CLVS1: variants seen among roughly 807,000 people sequenced by gnomAD.
CLVS1 encodes the protein clavesin-1.
In CLVS1, 10 loss-of-function variants were observed where a neutral mutation model predicts 33.1. That is an observed-to-expected ratio of 0.30 (90% CI 0.19 to 0.51). The LOEUF (loss-of-function observed/expected upper bound fraction) is 0.51. Ranked by LOEUF, CLVS1 falls within the 20% of genes least tolerant of loss-of-function variation. CLVS1 has a pLI of 0.97. For synonymous variants in CLVS1, 163 were observed against 166.1 expected, an observed-to-expected ratio of 0.98 and a Z score of 0.14; for missense variants, 343 against 433.4, an observed-to-expected ratio of 0.79 and a Z score of 1.85.
intron 3 of CLVS1, among the ~76,000 whole-genome samples, chr8:61,438,405 C>T (rs1007411457): frequency 7.9e-5 from 12 of 152,198 alleles, no homozygotes; most frequent in African/African-American, 2.9e-4. Flanking sequence ...ATATGTACCA[C>T]ATTTTCTTTA....
At chr8:61,032,992 GGAAAGAAAGAAAGAAAGAAAGAAA>G in the CLVS1 span, among the ~76,000 whole-genome samples, 1 of 44,804 alleles carries the variant, frequency 2.2e-5, no homozygotes, top group Non-Finnish European at 4.3e-5. Flanking sequence ...AAGGAAGGAA[GGAAAGAAAGAAAGAAAGAAAGAAA>G]GAAAGAAAGA....
At position 61,481,023 on chromosome 8, in the gene CLVS1, G is replaced by T. The variant is rs143570268; in HGVS notation, c.978-18432G>T. Among the ~76,000 whole-genome samples the T allele has an allele frequency of 2.3e-3, 350 of 152,236 alleles. 3 individuals carry two copies. The highest frequency in any genetic ancestry group is 7.9e-3 in the African/African-American group (328 of 41,556). On this transcript the variant is annotated intron_variant, in intron 5 of 5. Transcript: ENST00000325897. ...TCAGTGTATGGCCAAGAGAAAGACT[G>T]AAGTGCCTGATTATGCATTCTTGGT...
At chr8:61,420,288 T>C (rs1467073196) in intron 3 of CLVS1, among the ~76,000 whole-genome samples, 1 of 152,158 alleles carries the variant, frequency 6.6e-6, no homozygotes, top group East Asian at 1.9e-4. Context: ...CAGTAAAGGT[T>C]GAAAAACAAG....
the CLVS1 span, among the ~76,000 whole-genome samples, chr8:60,997,684 A>G: frequency 2.0e-5 from 3 of 152,156 alleles, no homozygotes; most frequent in African/African-American, 7.2e-5. Context: ...TGTGGTGATG[A>G]ACGAAGCCAG....
chr8:61,384,208 C>T (rs1813994760), intron 3 of CLVS1, among the ~76,000 whole-genome samples: 1 of 152,158 alleles, frequency 6.6e-6, no homozygotes, highest in Non-Finnish European at 1.5e-5. Context: ...TTTTGGAATG[C>T]ACAGGCACCA....
intron 2 of CLVS1, among the ~76,000 whole-genome samples, chr8:61,235,350 C>T (rs904526388): frequency 2.6e-5 from 4 of 152,130 alleles, no homozygotes; most frequent in African/African-American, 9.7e-5. Context: ...CATGGAAATG[C>T]TTTAAAAAAA....
At chr8:61,175,834 C>T (rs1188918558) in intron 2 of CLVS1, among the ~76,000 whole-genome samples, 1 of 152,198 alleles carries the variant, frequency 6.6e-6, no homozygotes, top group Admixed American at 6.5e-5. Context: ...TGTAAGCTTT[C>T]CCATTTGTGA....
intron 3 of CLVS1, among the ~76,000 whole-genome samples, chr8:61,395,813 T>G (rs1049582820): frequency 3.3e-5 from 5 of 152,156 alleles, no homozygotes; most frequent in Non-Finnish European, 5.9e-5. Flanking sequence ...AGTGTTTTGT[T>G]CAACATTACA....
chr8:61,447,264 T>A (rs893895778), intron 3 of CLVS1, among the ~76,000 whole-genome samples: 1 of 152,134 alleles, frequency 6.6e-6, no homozygotes. Flanking sequence ...TTGCAGCCTA[T>A]ATATTTATAT....
intron 3 of CLVS1, chr8:61,391,373 G>A (rs756862230): frequency 5.9e-5 from 9 of 152,198 alleles, no homozygotes; most frequent in Non-Finnish European, 1.0e-4. Flanking sequence ...AGGATGGGAT[G>A]AAGATTAACT....
At chr8:61,249,074 C>G (rs931850244) in intron 2 of CLVS1, among the ~76,000 whole-genome samples, 3 of 152,090 alleles carry the variant, frequency 2.0e-5, no homozygotes, top group African/African-American at 7.2e-5. Context: ...AGTCCCCCAC[C>G]CCCTGACAGG....
chr8:61,226,834 G>A (rs990401183), intron 2 of CLVS1, among the ~76,000 whole-genome samples: 2 of 152,130 alleles, frequency 1.3e-5, no homozygotes, highest in Admixed American at 6.5e-5. Context: ...CGAGGACATC[G>A]GAAGGCAATG....
At chr8:61,270,799 C>T (rs543864900) in intron 2 of CLVS1, among the ~76,000 whole-genome samples, 7 of 152,196 alleles carry the variant, frequency 4.6e-5, no homozygotes, top group Non-Finnish European at 7.4e-5. Context: ...AGTTTATTTG[C>T]GTAGAGATGT....
At chr8:61,155,665 C>T (rs770822598) in intron 2 of CLVS1, among the ~76,000 whole-genome samples, 1 of 152,014 alleles carries the variant, frequency 6.6e-6, no homozygotes, top group African/African-American at 2.4e-5. Flanking sequence ...GGGCTGCAAA[C>T]CACAGGAATA....
the CLVS1 span, among the ~76,000 whole-genome samples, chr8:61,036,339 G>A: frequency 6.6e-6 from 1 of 152,230 alleles, no homozygotes; most frequent in Non-Finnish European, 1.5e-5. Context: ...AAGGGTGAGT[G>A]AGGCACTGTG....
intron 2 of CLVS1, among the ~76,000 whole-genome samples, chr8:61,358,624 C>T (rs1468883604): frequency 1.3e-5 from 2 of 151,808 alleles, no homozygotes; most frequent in East Asian, 1.9e-4. Flanking sequence ...AACAAACAAA[C>T]AAAAAACAGC....
the CLVS1 span, among the ~76,000 whole-genome samples, chr8:61,014,085 G>GTTTTTTTTTT: frequency 3.2e-5 from 4 of 126,816 alleles, no homozygotes; most frequent in Non-Finnish European, 3.3e-5. Context: ...ACTTTTTAGT[G>GTTTTTTTTTT]TTTTTTTTTT....
At chr8:61,245,099 A>G (rs547225672) in intron 2 of CLVS1, among the ~76,000 whole-genome samples, 16 of 152,164 alleles carry the variant, frequency 1.1e-4, no homozygotes, top group Non-Finnish European at 2.2e-4. Flanking sequence ...ACTTTGGCAT[A>G]TATTAGTACA....
intron 1 of CLVS1, among the ~76,000 whole-genome samples, chr8:61,096,610 A>G (rs367819685): frequency 6.6e-6 from 1 of 152,220 alleles, no homozygotes; most frequent in Non-Finnish European, 1.5e-5. Context: ...TGAACTAGTA[A>G]TGCAAACACT....
Sources: allele counts gnomAD v4.1 joint callset (sites outside exome capture counted in the v4.1 genomes callset), GRCh38; gene constraint gnomAD v4.1.1; transcripts MANE v1.5; gene names NCBI Gene and HGNC (gene_info 2026-07-23, HGNC 2026-07-21).